The following LRMDA variants were observed in gnomAD, a reference collection of about 807,000 sequenced individuals.
LRMDA encodes leucine-rich melanocyte differentiation-associated protein.
In LRMDA, 18 loss-of-function variants were observed where a neutral mutation model predicts 29.8. That is an observed-to-expected ratio of 0.60 (90% CI 0.42 to 0.90). LRMDA has a LOEUF of 0.90. Ranked by LOEUF, LRMDA falls within the 40% of genes least tolerant of loss-of-function variation. The pLI, the probability that LRMDA is intolerant of heterozygous loss-of-function variation, is 0.00. For synonymous variants in LRMDA, 125 were observed against 109.4 expected, an observed-to-expected ratio of 1.14 and a Z score of -0.89; for missense variants, 273 against 273.9, an observed-to-expected ratio of 1.00 and a Z score of 0.02.
intron 6 of LRMDA, among the ~76,000 whole-genome samples, chr10:76,383,516 C>T (rs901335590): frequency 6.8e-6 from 1 of 147,294 alleles, no homozygotes; most frequent in Non-Finnish European, 1.5e-5. Context: ...CTGCAAGCTC[C>T]GCTTCCCGGG....
rs530456489 is a variant in LRMDA at position 76,035,442 on chromosome 10, G to C, written c.132-566G>C. On this transcript the variant is annotated intron_variant, in intron 2 of 6. Transcript: ENST00000611255. ...GTGATTAGTAAAGAAAAAAGGCAGA[G>C]GAAAAAAAAAAGTCAAAGGATGTGA... 2.0e-5 allele frequency among the ~76,000 whole-genome samples: 3 copies of C among 151,426 alleles called. No individual in the cohort carries two copies. The South Asian group carries it at 6.3e-4, about 32-fold the overall frequency.
chr10:75,540,986 A>G (rs1472859505), intron 2 of LRMDA, among the ~76,000 whole-genome samples: 2 of 151,322 alleles, frequency 1.3e-5, no homozygotes, highest in Non-Finnish European at 2.9e-5. Flanking sequence ...TTTTTTTTTT[A>G]AAAAGGAAAA....
In LRMDA at chr10:75,608,984, C is replaced by T. The variant is rs142571143; in HGVS notation, c.131+170490C>T. Among the ~76,000 whole-genome samples the T allele has an allele frequency of 6.9e-3, 1,057 of 152,294 alleles. 5 individuals carry two copies. Among genetic ancestry groups the T allele is most frequent in the Middle Eastern group, 0.02 (6 of 294 alleles). On this transcript the variant is annotated intron_variant, in intron 2 of 6. Coordinates refer to ENST00000611255, the MANE Select transcript of LRMDA (RefSeq NM_001305581.2). ...AGTGACCCTTCACTATACTCACTCT[C>T]GTCACCTGCACGTACTCTCAAAGAG... is the stretch of plus-strand genomic sequence containing the variant.
intron 2 of LRMDA, chr10:75,552,663 T>C: frequency 2.8e-6 from 1 of 354,924 alleles, no homozygotes; most frequent in South Asian, 2.1e-5. Flanking sequence ...CAAACTTTTT[T>C]TTTCTGCTTC....
chr10:76,061,203 G>A (rs1385365659), intron 5 of LRMDA, among the ~76,000 whole-genome samples: 3 of 152,142 alleles, frequency 2.0e-5, no homozygotes, highest in African/African-American at 7.2e-5. Flanking sequence ...ACAAAAGAAC[G>A]AGATCATATC....
intron 2 of LRMDA, among the ~76,000 whole-genome samples, chr10:75,888,249 G>A (rs1564597568): frequency 6.6e-6 from 1 of 152,202 alleles, no homozygotes; most frequent in Non-Finnish European, 1.5e-5. Context: ...AGAGCTGCAT[G>A]TGGAAACTCT....
intron 5 of LRMDA, among the ~76,000 whole-genome samples, chr10:76,252,676 T>C (rs1037856106): frequency 1.3e-5 from 2 of 152,172 alleles, no homozygotes; most frequent in Non-Finnish European, 2.9e-5. Flanking sequence ...GGTAGGGAGA[T>C]GTTAGGTTTT....
intron 6 of LRMDA, among the ~76,000 whole-genome samples, chr10:76,415,596 G>A (rs1477508466): frequency 7.1e-6 from 1 of 140,040 alleles, no homozygotes; most frequent in Admixed American, 7.4e-5. Flanking sequence ...TTTGGCTGGG[G>A]CGTGTATGTG....
chr10:76,491,043 G>A (rs944942778), intron 6 of LRMDA, among the ~76,000 whole-genome samples: 2 of 151,784 alleles, frequency 1.3e-5, no homozygotes, highest in Non-Finnish European at 2.9e-5. Context: ...ACAAACAAAA[G>A]GAAAACTAAT....
At chr10:76,360,344 A>G (rs1247530668) in intron 6 of LRMDA, among the ~76,000 whole-genome samples, 1 of 152,078 alleles carries the variant, frequency 6.6e-6, no homozygotes, top group Non-Finnish European at 1.5e-5. Context: ...AGCCCTATGA[A>G]TGGGTACCTG....
intron 2 of LRMDA, among the ~76,000 whole-genome samples, chr10:75,763,841 C>T (rs936669474): frequency 6.6e-5 from 10 of 151,978 alleles, no homozygotes; most frequent in South Asian, 2.1e-4. Flanking sequence ...CCATGCTTAG[C>T]GGAATGACCT....
At chr10:76,101,332 G>C (rs1244217042) in intron 5 of LRMDA, among the ~76,000 whole-genome samples, 1 of 152,118 alleles carries the variant, frequency 6.6e-6, no homozygotes, top group Non-Finnish European at 1.5e-5. Context: ...TGGTAGTAAG[G>C]CTGGCTTTTT....
At chr10:76,190,097 A>C (rs1210205245) in intron 5 of LRMDA, among the ~76,000 whole-genome samples, 3 of 152,184 alleles carry the variant, frequency 2.0e-5, no homozygotes, top group African/African-American at 7.2e-5. Context: ...AAGGTGGACA[A>C]AGATTCTCTG....
At chr10:76,507,039 GC>G (rs1842965958) in intron 6 of LRMDA, among the ~76,000 whole-genome samples, 2 of 151,870 alleles carry the variant, frequency 1.3e-5, no homozygotes, top group East Asian at 3.9e-4. Context: ...TACTGGCTGT[GC>G]TAATTCTAAT....
intron 2 of LRMDA, among the ~76,000 whole-genome samples, chr10:75,518,892 G>T (rs769675208): frequency 7.2e-5 from 11 of 152,110 alleles, no homozygotes; most frequent in Non-Finnish European, 1.3e-4. Flanking sequence ...AGAGATTCTG[G>T]TACATGCTGT....
intron 2 of LRMDA, among the ~76,000 whole-genome samples, chr10:75,910,030 G>A (rs1845818075): frequency 6.6e-6 from 1 of 152,172 alleles, no homozygotes; most frequent in Non-Finnish European, 1.5e-5. Context: ...ACTTAGGAGG[G>A]ACTGGAATTT....
At chr10:75,646,751 G>A (rs1224421318) in intron 2 of LRMDA, among the ~76,000 whole-genome samples, 1 of 152,184 alleles carries the variant, frequency 6.6e-6, no homozygotes, top group Non-Finnish European at 1.5e-5. Context: ...ATTAATGATT[G>A]TTATGATAAA....
At chr10:75,702,326 A>T (rs555908854) in intron 2 of LRMDA, among the ~76,000 whole-genome samples, 5 of 152,340 alleles carry the variant, frequency 3.3e-5, no homozygotes, top group Admixed American at 3.3e-4. Context: ...CCAACTGGAT[A>T]GATGAAGCTT....
At chr10:75,728,348 C>T (rs979553719) in intron 2 of LRMDA, among the ~76,000 whole-genome samples, 13 of 151,838 alleles carry the variant, frequency 8.6e-5, no homozygotes, top group East Asian at 3.9e-4. Context: ...TAAAACCTTA[C>T]GAAATGGGCT....
Sources: gnomAD v4.1 joint callset for allele counts (sites outside exome capture counted in the v4.1 genomes callset) on GRCh38, gnomAD v4.1.1 for gene constraint, MANE v1.5 for transcripts, NCBI Gene and HGNC (gene_info 2026-07-23, HGNC 2026-07-21) for gene names.